Variants in CPNE4 observed in about 807,000 individuals in gnomAD.
The protein encoded by CPNE4 is copine 4.
CPNE4 carries 25 observed loss-of-function variants against 67.9 expected under a neutral mutation model. The ratio of observed to expected loss-of-function variants is 0.37; its 90% CI spans 0.27 to 0.51. CPNE4 has a LOEUF of 0.51. Ranked by LOEUF, CPNE4 falls within the 20% of genes least tolerant of loss-of-function variation. CPNE4 has a pLI of 0.93. For missense variants in CPNE4, 464 were observed against 690.8 expected, an observed-to-expected ratio of 0.67 and a Z score of 3.68; for synonymous variants, 242 against 244.9, an observed-to-expected ratio of 0.99 and a Z score of 0.11.
intron 2 of CPNE4, among the ~76,000 whole-genome samples, chr3:131,902,979 C>T (rs1368974975): frequency 6.6e-6 from 1 of 152,104 alleles, no homozygotes; most frequent in Non-Finnish European, 1.5e-5. Context: ...TGCCTATCAG[C>T]ATTCATTTTC....
At chr3:131,987,040 G>A (rs2073066471) in intron 1 of CPNE4, among the ~76,000 whole-genome samples, 1 of 152,160 alleles carries the variant, frequency 6.6e-6, no homozygotes, top group South Asian at 2.1e-4. Context: ...ATATCAATGT[G>A]CAGCCAGCAG....
chr3:131,664,632 A>T (rs1460586559), intron 7 of CPNE4, among the ~76,000 whole-genome samples: 1 of 152,192 alleles, frequency 6.6e-6, no homozygotes, highest in Non-Finnish European at 1.5e-5. Context: ...GTATAATACA[A>T]TAAAATAGAG....
At chr3:131,865,414 CT>C (rs35634454) in intron 2 of CPNE4, among the ~76,000 whole-genome samples, 48,269 of 151,794 alleles carry the variant, frequency 0.32, 8,186 homozygotes, top group African/African-American at 0.42. Context: ...TCACCTCCTA[CT>C]TTTTGTGGTA....
chr3:132,010,146 AG>A (rs1239234837), intron 1 of CPNE4, among the ~76,000 whole-genome samples: 1 of 152,224 alleles, frequency 6.6e-6, no homozygotes, highest in Non-Finnish European at 1.5e-5. Flanking sequence ...AGAACTTTCT[AG>A]CTCTATGGCC....
chr3:131,696,667 C>A, intron 4 of CPNE4, 51 bp from the exon 5 acceptor site: 2 of 1,535,818 alleles, frequency 1.3e-6, no homozygotes, highest in Non-Finnish European at 1.8e-6. Flanking sequence ...CTCCTTAGCT[C>A]CAGAACCCAT....
At position 131,537,918 on chromosome 3, in the gene CPNE4, C is replaced by G. The variant is rs567420319; in HGVS notation, c.1540-2589G>C. 2.2e-4 allele frequency among the ~76,000 whole-genome samples: 33 copies of G among 152,284 alleles called. No homozygotes were observed. In the East Asian group the frequency reaches 3.5e-3, roughly 16 times the overall value. Reference sequence around the variant, plus strand: ...GGTTTCTCAATCTTGACACTATTGACATTTGGGGCTGAATAATTCTTTGTG... The same window carrying G: ...GGTTTCTCAATCTTGACACTATTGAGATTTGGGGCTGAATAATTCTTTGTG... On this transcript the variant is annotated intron_variant, in intron 15 of 15. Transcript: ENST00000429747.
chr3:132,029,508 C>G (rs1232971565), intron 1 of CPNE4, among the ~76,000 whole-genome samples: 1 of 152,192 alleles, frequency 6.6e-6, no homozygotes, highest in East Asian at 1.9e-4. Flanking sequence ...CCAGCTCTCT[C>G]TAGTCCGTCC....
chr3:131,977,319 C>A (rs1185250515), intron 1 of CPNE4, among the ~76,000 whole-genome samples: 2 of 152,064 alleles, frequency 1.3e-5, no homozygotes, highest in African/African-American at 2.4e-5. Flanking sequence ...GATGATTAGT[C>A]CAAGCAAGAC....
At chr3:131,662,522 G>A (rs1449765286) in intron 7 of CPNE4, among the ~76,000 whole-genome samples, 3 of 152,112 alleles carry the variant, frequency 2.0e-5, no homozygotes, top group African/African-American at 7.2e-5. Context: ...AGCTAGGTTT[G>A]GAGAATCAGT....
chr3:131,866,234 G>C (rs1433082552), intron 2 of CPNE4, among the ~76,000 whole-genome samples: 3 of 5,496 alleles, frequency 5.5e-4, no homozygotes, highest in Non-Finnish European at 0.029. Flanking sequence ...CTGAGAGTGA[G>C]AGAGTCTCCA....
chr3:131,620,918 C>T (rs1940428109), intron 7 of CPNE4, among the ~76,000 whole-genome samples: 1 of 152,270 alleles, frequency 6.6e-6, no homozygotes, highest in South Asian at 2.1e-4. Flanking sequence ...AATACATTTT[C>T]ATTGCTTTAA....
intron 1 of CPNE4, among the ~76,000 whole-genome samples, chr3:132,025,957 T>A (rs1314670693): frequency 1.3e-5 from 2 of 152,162 alleles, no homozygotes; most frequent in African/African-American, 4.8e-5. Context: ...ACACACGTAG[T>A]CAAAATAATC....
At chr3:131,635,509 A>T (rs2079355440) in intron 7 of CPNE4, among the ~76,000 whole-genome samples, 2 of 152,220 alleles carry the variant, frequency 1.3e-5, no homozygotes. Context: ...AAATTCATTA[A>T]AATTAAATAA....
At chr3:131,597,308 T>C (rs6777594) in intron 7 of CPNE4, among the ~76,000 whole-genome samples, 1 of 150,992 alleles carries the variant, frequency 6.6e-6, no homozygotes, top group African/African-American at 2.5e-5. Flanking sequence ...GGGCCTGTTG[T>C]GGGGTGGGGG....
chr3:131,953,111 C>T (rs140702278), intron 1 of CPNE4, among the ~76,000 whole-genome samples: 2 of 151,764 alleles, frequency 1.3e-5, no homozygotes, highest in Non-Finnish European at 2.9e-5. Flanking sequence ...CTGCAGAGGG[C>T]CGCAGGGTCC....
At chr3:131,972,556 G>A (rs548840652) in intron 1 of CPNE4, among the ~76,000 whole-genome samples, 8 of 152,256 alleles carry the variant, frequency 5.3e-5, no homozygotes, top group Middle Eastern at 6.8e-3. Flanking sequence ...TGGAACAAAC[G>A]GTGCCCCTCA....
intron 7 of CPNE4, among the ~76,000 whole-genome samples, chr3:131,641,056 T>C (rs2079528019): frequency 2.0e-5 from 3 of 152,168 alleles, no homozygotes; most frequent in African/African-American, 7.2e-5. Flanking sequence ...CCTGAATCCA[T>C]GAGGACTGTA....
chr3:131,803,598 A>G (rs569389443), intron 2 of CPNE4, among the ~76,000 whole-genome samples: 5 of 152,340 alleles, frequency 3.3e-5, no homozygotes, highest in Admixed American at 6.5e-5. Context: ...AGATATTTTA[A>G]AATGTTGTTA....
At chr3:131,537,572 C>T (rs1190216964) in intron 15 of CPNE4, 12 of 256,954 alleles carry the variant, frequency 4.7e-5, no homozygotes, top group East Asian at 4.1e-4. Flanking sequence ...CGTGAGCCAC[C>T]GCACCCAGCC....
Sources: allele counts gnomAD v4.1 joint callset (sites outside exome capture counted in the v4.1 genomes callset), GRCh38; gene constraint gnomAD v4.1.1; transcripts MANE v1.5; gene names NCBI Gene and HGNC (gene_info 2026-07-23, HGNC 2026-07-21).